The following ATF2 variants were observed in gnomAD, a reference collection of about 807,000 sequenced individuals.
ATF2 encodes cyclic AMP-dependent transcription factor ATF-2.
A neutral mutation model predicts 60.6 loss-of-function variants in ATF2; 24 were observed. That is an observed-to-expected ratio of 0.40 (90% CI 0.29 to 0.56). The LOEUF is 0.56. Among genes scored for constraint, ATF2 ranks in the 20% least tolerant of loss-of-function variants. ATF2 has a pLI of 0.54. For missense variants in ATF2, 433 were observed against 607.7 expected (o/e 0.71, Z 3.02); for synonymous variants, 206 against 215.4 (o/e 0.96, Z 0.38).
intron 3 of ATF2, among the ~76,000 whole-genome samples, chr2:175,133,747 A>C (rs1697920811): frequency 6.6e-6 from 1 of 152,218 alleles, no homozygotes; most frequent in African/African-American, 2.4e-5. Flanking sequence ...AGTTTCTAGA[A>C]GAAAAATAGG....
At chr2:175,159,298 G>A (rs1307749918) in intron 1 of ATF2, among the ~76,000 whole-genome samples, 4 of 150,458 alleles carry the variant, frequency 2.7e-5, no homozygotes, top group African/African-American at 7.4e-5. Context: ...CAGCCTGCGC[G>A]ACAGAGCAAG....
chr2:175,107,740 AT>A (rs1027459795), intron 10 of ATF2, among the ~76,000 whole-genome samples: 1 of 151,450 alleles, frequency 6.6e-6, no homozygotes, highest in African/African-American at 2.4e-5. Context: ...TGGTTTTCGT[AT>A]TTTTTTTGGT....
intron 1 of ATF2, among the ~76,000 whole-genome samples, chr2:175,159,318 C>CAA (rs544556578): frequency 7.7e-6 from 1 of 130,534 alleles, no homozygotes. Context: ...GACTCCGTCT[C>CAA]AAAAAAAAAA....
At chr2:175,127,426 C>G (rs1237761390) in intron 4 of ATF2, among the ~76,000 whole-genome samples, 2 of 152,022 alleles carry the variant, frequency 1.3e-5, no homozygotes, top group Non-Finnish European at 2.9e-5. Flanking sequence ...TAGCCTATTT[C>G]TCTCTCTGTG....
chr2:175,120,822 TAATACAGCA>T (rs1421161643), intron 5 of ATF2, among the ~76,000 whole-genome samples: 4 of 151,696 alleles, frequency 2.6e-5, no homozygotes, highest in African/African-American at 9.7e-5. Flanking sequence ...AAAAGGCAGC[TAATACAGCA>T]TGGAATGACA....
intron 2 of ATF2, among the ~76,000 whole-genome samples, chr2:175,149,100 C>T (rs1477468380): frequency 6.6e-6 from 1 of 152,184 alleles, no homozygotes; most frequent in Non-Finnish European, 1.5e-5. Flanking sequence ...AAGATTAAGA[C>T]AGTAAGACCA....
intron 1 of ATF2, among the ~76,000 whole-genome samples, chr2:175,161,433 T>G (rs970747439): frequency 5.7e-4 from 87 of 152,296 alleles, no homozygotes; most frequent in African/African-American, 2.1e-3. Context: ...ATATATCACA[T>G]GAATGCTCAC....
intron 12 of ATF2, among the ~76,000 whole-genome samples, chr2:175,085,833 T>C (rs1055587661): frequency 2.0e-5 from 3 of 152,196 alleles, no homozygotes; most frequent in African/African-American, 7.2e-5. Flanking sequence ...AACTGAATTT[T>C]AATTGGCATT....
intron 4 of ATF2, among the ~76,000 whole-genome samples, chr2:175,124,279 A>T (rs1413827396): frequency 2.5e-5 from 2 of 79,220 alleles, no homozygotes; most frequent in Non-Finnish European, 5.2e-5. Flanking sequence ...CAATGGAAAA[A>T]GTGAAAAAAA....
At chr2:175,153,233 G>T (rs1234345824) in intron 1 of ATF2, among the ~76,000 whole-genome samples, 1 of 152,150 alleles carries the variant, frequency 6.6e-6, no homozygotes, top group Non-Finnish European at 1.5e-5. Flanking sequence ...AACTTGAAAG[G>T]CACAGATGTA....
chr2:175,085,291 T>C (rs182908889), intron 12 of ATF2, among the ~76,000 whole-genome samples: 72 of 152,258 alleles, frequency 4.7e-4, no homozygotes, highest in African/African-American at 1.7e-3. Flanking sequence ...TCCCAGAACT[T>C]TGGGAGACTG....
At chr2:175,129,659 A>G (rs979647679) in intron 4 of ATF2, among the ~76,000 whole-genome samples, 7 of 152,048 alleles carry the variant, frequency 4.6e-5, no homozygotes, top group African/African-American at 1.7e-4. Context: ...AAAAACTAAA[A>G]TATTACTTTC....
At chr2:175,088,774 A>G (rs1330833565) in intron 12 of ATF2, among the ~76,000 whole-genome samples, 1 of 152,150 alleles carries the variant, frequency 6.6e-6, no homozygotes, top group East Asian at 1.9e-4. Context: ...TGCTACATTT[A>G]TAAACTGAAA....
At chr2:175,076,778 T>A (rs924643462) in intron 13 of ATF2, among the ~76,000 whole-genome samples, 6 of 152,050 alleles carry the variant, frequency 3.9e-5, no homozygotes, top group African/African-American at 9.6e-5. Flanking sequence ...ATGTGATTTT[T>A]AAAATTTTTT....
intron 11 of ATF2, among the ~76,000 whole-genome samples, chr2:175,094,739 T>C (rs1282068115): frequency 6.6e-6 from 1 of 152,110 alleles, no homozygotes; most frequent in Non-Finnish European, 1.5e-5. Context: ...GTATAAAGTA[T>C]TTCACGCCTG....
chr2:175,097,439 C>T lies in ATF2; in HGVS notation c.978+5G>A. 6.2e-7 allele frequency: 1 copy of T among 1,613,598 alleles called. No individual in the cohort carries two copies. Among genetic ancestry groups the T allele is most frequent in the Non-Finnish European group, 8.5e-7 (1 of 1,179,832 alleles). ...AGTGCTGAATAATAAAAACAACACA[C>T]ATACCGGAGTTTCTGTAGTGGATGT... On this transcript the variant is annotated splice_donor_5th_base_variant and intron_variant, in intron 11 of 13. Transcript: ENST00000264110.
intron 4 of ATF2, among the ~76,000 whole-genome samples, chr2:175,123,976 C>A (rs909368781): frequency 6.6e-6 from 1 of 151,996 alleles, no homozygotes; most frequent in Non-Finnish European, 1.5e-5. Context: ...TGTGAAAAGG[C>A]AGTCACCAGA....
At chr2:175,154,225 G>GAAA (rs748103537) in intron 1 of ATF2, among the ~76,000 whole-genome samples, 11,005 of 141,366 alleles carry the variant, frequency 0.078, 397 homozygotes, top group Middle Eastern at 0.12. Context: ...AAAAAGAAAA[G>GAAA]AAAAAAAAAA....
At position 175,083,342 on chromosome 2, in the gene ATF2, G is replaced by A. The variant is rs1019349706; in HGVS notation, c.1186-2577C>T. On this transcript the variant is annotated intron_variant, in intron 12 of 13. Coordinates refer to ENST00000264110, the MANE Select transcript of ATF2 (RefSeq NM_001880.4). The stretch of plus-strand genomic sequence containing the variant: ...GAATAGAGCCCTCAGAAATAACGCC[G>A]CATATGTACAACTATCTGATCGTTG... Among the ~76,000 whole-genome samples the A allele has an allele frequency of 1.1e-3, 164 of 152,064 alleles. 5 individuals carry two copies. Among genetic ancestry groups the A allele is most frequent in the Non-Finnish European group, 5.4e-4 (37 of 68,012 alleles).
Sources: gnomAD v4.1 joint callset for allele counts (sites outside exome capture counted in the v4.1 genomes callset) on GRCh38, gnomAD v4.1.1 for gene constraint, MANE v1.5 for transcripts, NCBI Gene and HGNC (gene_info 2026-07-23, HGNC 2026-07-21) for gene names.